AP3B1: variants seen among roughly 807,000 people sequenced by gnomAD.
AP3B1 encodes AP-3 complex subunit beta-1.
A neutral mutation model predicts 132.5 loss-of-function variants in AP3B1; 61 were observed. That is an observed-to-expected ratio of 0.46 (90% CI 0.37 to 0.57). AP3B1 has a LOEUF of 0.57. Ranked by LOEUF, AP3B1 falls within the 20% of genes least tolerant of loss-of-function variation. The pLI, the probability that AP3B1 is intolerant of heterozygous loss-of-function variation, is 0.00. For synonymous variants in AP3B1, 388 were observed against 438.3 expected, an observed-to-expected ratio of 0.89 and a Z score of 1.43; for missense variants, 1,120 against 1,289.4, an observed-to-expected ratio of 0.87 and a Z score of 2.01.
intron 22 of AP3B1, among the ~76,000 whole-genome samples, chr5:78,082,975 C>G (rs893344419): frequency 2.0e-5 from 3 of 152,084 alleles, no homozygotes; most frequent in Admixed American, 6.5e-5. Context: ...GCCACCACCC[C>G]AGGCTAATTT....
intron 11 of AP3B1, among the ~76,000 whole-genome samples, chr5:78,170,156 T>C (rs960692077): frequency 2.6e-5 from 4 of 152,218 alleles, no homozygotes; most frequent in Non-Finnish European, 5.9e-5. Flanking sequence ...CAGTCTATCA[T>C]TGATGGACAT....
chr5:78,020,741 T>C lies in AP3B1; in HGVS notation c.2943A>G (p.Glu981=). The part of the protein sequence containing the change: ...FNVNIQPPVG[E]LLLPVAMSEK... ...CTGACATGGCCACAGGTAAAAGCAG[T>C]TCTCCAACAGGTGGCTGAATATTAA... is the stretch of plus-strand genomic sequence containing the variant. The change falls in exon 25 of 27, where the codon GAA becomes GAG. Residue 981 remains glutamate (E), a synonymous_variant. Coordinates refer to ENST00000255194, the MANE Select transcript of AP3B1 (RefSeq NM_003664.5). The C allele has an allele frequency of 6.2e-7, 1 of 1,612,768 alleles. No homozygotes were observed. Among genetic ancestry groups the C allele is most frequent in the Non-Finnish European group, 8.5e-7 (1 of 1,179,308 alleles).
intron 2 of AP3B1, among the ~76,000 whole-genome samples, chr5:78,261,064 A>G (rs747565896): frequency 1.3e-5 from 2 of 152,236 alleles, no homozygotes; most frequent in Non-Finnish European, 2.9e-5. Context: ...TAATGCTGCT[A>G]CGAACACTGA....
At chr5:78,166,444 AC>A (rs1392712774) in intron 11 of AP3B1, among the ~76,000 whole-genome samples, 3 of 152,196 alleles carry the variant, frequency 2.0e-5, no homozygotes, top group African/African-American at 7.2e-5. Flanking sequence ...CTTTCCAGAT[AC>A]CAATTAATTC....
At chr5:78,150,379 GA>G (rs1753592419) in intron 14 of AP3B1, among the ~76,000 whole-genome samples, 1 of 152,216 alleles carries the variant, frequency 6.6e-6, no homozygotes, top group African/African-American at 2.4e-5. Context: ...GATAGGGACA[GA>G]AAAGTATCCA....
Position 78,015,476 on chromosome 5 carries a change from A to T in AP3B1, c.3065T>A (p.Ile1022Asn). 6.2e-7 allele frequency: 1 copy of T among 1,613,916 alleles called. No homozygotes were observed. Among genetic ancestry groups the T allele is most frequent in the Admixed American group, 1.7e-5 (1 of 60,016 alleles). The change falls in exon 26 of 27, where the codon ATC becomes AAC. Residue 1022 changes from isoleucine (I) to asparagine (N), a missense_variant. Ile to Asn is a moderately radical substitution (Grantham distance 149). This residue lies in a region of AP3B1 where 906 missense variants were observed against 997.1 expected (regional missense o/e 0.91). Coordinates refer to ENST00000255194, the MANE Select transcript of AP3B1 (RefSeq NM_003664.5). ...AAPQNFTPSV[I>N]FQKVVNVANV... ...GGCTACATTTACAACCTTCTGAAAG[A>T]TCACAGAGGGAGTGAAATTCTGTGG...
chr5:78,025,357 A>G (rs567918685), intron 24 of AP3B1, among the ~76,000 whole-genome samples: 4 of 152,282 alleles, frequency 2.6e-5, no homozygotes, highest in African/African-American at 7.2e-5. Context: ...TAAGGCATCT[A>G]TGAATGTCTA....
chr5:78,020,546 T>G, intron 25 of AP3B1, 146 bp downstream of exon 25: 3 of 669,502 alleles, frequency 4.5e-6, no homozygotes, highest in Non-Finnish European at 8.0e-6. Context: ...AGGTTGTAAG[T>G]GCAAAGCATT....
chr5:78,157,694 G>T (rs1743207013), intron 13 of AP3B1, among the ~76,000 whole-genome samples: 1 of 151,946 alleles, frequency 6.6e-6, no homozygotes, highest in Admixed American at 6.6e-5. Flanking sequence ...AATTCCCCTG[G>T]CATACACTAC....
chr5:78,160,827 A>C (rs1214385777), intron 13 of AP3B1, among the ~76,000 whole-genome samples: 1 of 152,014 alleles, frequency 6.6e-6, no homozygotes, highest in Admixed American at 6.5e-5. Context: ...TTTGATATAA[A>C]TATTCTCCTT....
intron 13 of AP3B1, among the ~76,000 whole-genome samples, chr5:78,158,988 C>T (rs531999872): frequency 7.2e-5 from 11 of 152,258 alleles, no homozygotes; most frequent in South Asian, 2.1e-4. Context: ...TGAGCCACCG[C>T]GCCCACCCAT....
intron 14 of AP3B1, among the ~76,000 whole-genome samples, chr5:78,150,209 C>T (rs2112344143): frequency 6.6e-6 from 1 of 152,174 alleles, no homozygotes; most frequent in East Asian, 1.9e-4. Context: ...TTAACCAGCA[C>T]TCAAGAAAAA....
chr5:78,163,642 T>TATATATATATACACACACACAC (rs1328070116), intron 12 of AP3B1, among the ~76,000 whole-genome samples: 1 of 135,002 alleles, frequency 7.4e-6, no homozygotes, highest in East Asian at 2.6e-4. Context: ...ATAGTATACA[T>TATATATATATACACACACACAC]ATATATATAT....
intron 1 of AP3B1, among the ~76,000 whole-genome samples, chr5:78,276,186 C>T (rs1178577764): frequency 6.6e-6 from 1 of 152,168 alleles, no homozygotes; most frequent in Non-Finnish European, 1.5e-5. Flanking sequence ...CCACCTCAGC[C>T]TCCCAAGTAG....
chr5:78,071,415 C>T (rs767686602), intron 22 of AP3B1, among the ~76,000 whole-genome samples: 36 of 151,976 alleles, frequency 2.4e-4, no homozygotes, highest in Middle Eastern at 3.4e-3. Flanking sequence ...TCAGGGGGCA[C>T]GGGAGGAGGG....
intron 1 of AP3B1, among the ~76,000 whole-genome samples, chr5:78,276,825 C>T (rs1379666917): frequency 6.6e-6 from 1 of 151,130 alleles, no homozygotes; most frequent in African/African-American, 2.4e-5. Context: ...GCCAAGATCG[C>T]ACCATTTCAC....
At chr5:78,193,679 T>G (rs1744933995) in intron 7 of AP3B1, among the ~76,000 whole-genome samples, 1 of 146,534 alleles carries the variant, frequency 6.8e-6, no homozygotes, top group South Asian at 2.1e-4. Flanking sequence ...TATATTTATA[T>G]ATTTACATAT....
At chr5:78,183,780 T>C (rs1228984439) in intron 7 of AP3B1, among the ~76,000 whole-genome samples, 3 of 150,884 alleles carry the variant, frequency 2.0e-5, no homozygotes, top group Non-Finnish European at 4.4e-5. Context: ...GGCAGGAGAA[T>C]TGCTTGAGCT....
chr5:78,126,503 T>TAA (rs1752465179), intron 17 of AP3B1, among the ~76,000 whole-genome samples: 1 of 19,970 alleles, frequency 5.0e-5, no homozygotes, highest in Non-Finnish European at 9.6e-5. Flanking sequence ...AGACTCTGTC[T>TAA]CAAAAAAAAA....
Sources: gnomAD v4.1 joint callset for allele counts (sites outside exome capture counted in the v4.1 genomes callset) on GRCh38, gnomAD v4.1.1 for gene constraint, gnomAD v4.1.1 regional missense constraint, MANE v1.5 for transcripts, NCBI Gene and HGNC (gene_info 2026-07-23, HGNC 2026-07-21) for gene names.